CHN2: variants seen among roughly 807,000 people sequenced by gnomAD.
CHN2 encodes the protein chimerin 2.
A neutral mutation model predicts 56.3 loss-of-function variants in CHN2; 35 were observed. The observed-to-expected ratio is 0.62, with a 90% CI of 0.47 to 0.82. The LOEUF is 0.82. CHN2 is among the 40% of genes least tolerant of loss of function. The pLI is 0.00. For synonymous variants in CHN2, 210 were observed against 212.8 expected (o/e 0.99, Z 0.12); for missense variants, 491 against 580.5 (o/e 0.85, Z 1.58).
Position 29,328,006 on chromosome 7 carries a change from T to C in CHN2, c.50-26619T>C, listed in dbSNP as rs552352806. On this transcript the variant is annotated intron_variant, in intron 1 of 12. Transcript: ENST00000222792. ...ATGTTTGATTGTCAGACATGGATTC[T>C]ATAGACGTTTTGAACAGAAAGCTGA... Among the ~76,000 whole-genome samples the C allele has an allele frequency of 3.9e-5, 6 of 152,320 alleles. No homozygotes were observed. The East Asian group carries it at 1.2e-3, about 29-fold the overall frequency.
chr7:29,263,491 C>T lies in CHN2; in HGVS notation c.49+68501C>T, dbSNP rs552648710. Among the ~76,000 whole-genome samples the T allele has an allele frequency of 2.8e-4, 42 of 150,980 alleles. No individual in the cohort carries two copies. In the East Asian group the frequency reaches 6.7e-3, roughly 24 times the overall value. Reference sequence around the variant, plus strand: ...GGAGCGTCTCTGCCTGGCCGCCCATCGTCTGGGATGTGAGGAGCCCCTCTG... The same window carrying T: ...GGAGCGTCTCTGCCTGGCCGCCCATTGTCTGGGATGTGAGGAGCCCCTCTG... On this transcript the variant is annotated intron_variant, in intron 1 of 12. Transcript: ENST00000222792.
intron 6 of CHN2, among the ~76,000 whole-genome samples, chr7:29,402,265 C>A (rs541870616): frequency 1.3e-5 from 2 of 152,316 alleles, no homozygotes; most frequent in Admixed American, 6.5e-5. Context: ...CCTAGGAGAA[C>A]CTTCCACAGA....
At chr7:29,178,144 A>G (rs1159764568) in intron 2 of CHN2, among the ~76,000 whole-genome samples, 1 of 152,148 alleles carries the variant, frequency 6.6e-6, no homozygotes, top group African/African-American at 2.4e-5. Context: ...TGTCCACACC[A>G]TCAGCCTTTC....
chr7:29,429,447 T>A lies in CHN2; in HGVS notation c.576+28619T>A, dbSNP rs561573789. 4.6e-5 allele frequency among the ~76,000 whole-genome samples: 7 copies of A among 152,366 alleles called. No homozygotes were observed. In the East Asian group the frequency reaches 1.3e-3, roughly 29 times the overall value. On this transcript the variant is annotated intron_variant, in intron 6 of 12. Transcript: ENST00000222792. ...AGAGACTCTTTTGTTTGTTTTGTTT[T>A]TGGTTCGCTTTGATATCTGATACCA...
chr7:29,295,807 C>T (rs974912692), intron 1 of CHN2, among the ~76,000 whole-genome samples: 2 of 152,186 alleles, frequency 1.3e-5, no homozygotes, highest in African/African-American at 4.8e-5. Flanking sequence ...TTGACTAATG[C>T]AGATCTGGCC....
At chr7:29,174,376 G>A (rs549539358) in intron 2 of CHN2, among the ~76,000 whole-genome samples, 2 of 152,178 alleles carry the variant, frequency 1.3e-5, no homozygotes, top group Non-Finnish European at 2.9e-5. Context: ...AGGAGAGACA[G>A]TAAAGCTTTT....
chr7:29,400,334 G>T, intron 5 of CHN2: 1 of 591,860 alleles, frequency 1.7e-6, no homozygotes. Context: ...ATCTCTTCAA[G>T]CATCAGTTAC....
At chr7:29,329,531 A>T (rs4722900) in intron 1 of CHN2, among the ~76,000 whole-genome samples, 1 of 152,022 alleles carries the variant, frequency 6.6e-6, no homozygotes, top group African/African-American at 2.4e-5. Context: ...TGTTTGCAGC[A>T]TTTCTGAAAT....
chr7:29,187,868 A>C (rs575950545), intron 2 of CHN2, among the ~76,000 whole-genome samples: 33 of 152,370 alleles, frequency 2.2e-4, no homozygotes, highest in African/African-American at 7.5e-4. Flanking sequence ...TTGGGCATAC[A>C]TTCATTTACA....
chr7:29,399,155 G>A (rs552681488), intron 5 of CHN2, among the ~76,000 whole-genome samples: 34 of 152,290 alleles, frequency 2.2e-4, no homozygotes, highest in Admixed American at 2.6e-4. Context: ...CTCTGATCAT[G>A]GACACACAGT....
intron 7 of CHN2, among the ~76,000 whole-genome samples, chr7:29,483,290 C>T (rs1209108542): frequency 1.3e-5 from 2 of 152,160 alleles, no homozygotes; most frequent in African/African-American, 2.4e-5. Flanking sequence ...TAGAAACCCC[C>T]AACATTCCCT....
Position 29,276,739 on chromosome 7 carries a change from G to A in CHN2, c.50-77886G>A, listed in dbSNP as rs571030823. 1.2e-4 allele frequency among the ~76,000 whole-genome samples: 19 copies of A among 152,236 alleles called. No individual in the cohort carries two copies. The South Asian group carries it at 1.7e-3, about 13-fold the overall frequency. ...CTGGATTTTCCAGTTGTGTTGAGGC[G>A]CTGGCCCTAAAATTGTGGCTTGACC... On this transcript the variant is annotated intron_variant, in intron 1 of 12. Coordinates refer to ENST00000222792, the MANE Select transcript of CHN2 (RefSeq NM_004067.4).
intron 1 of CHN2, among the ~76,000 whole-genome samples, chr7:29,320,235 C>T (rs1359963449): frequency 6.6e-6 from 1 of 152,190 alleles, no homozygotes; most frequent in African/African-American, 2.4e-5. Context: ...AACCACCATG[C>T]CGAGTGACAA....
chr7:29,419,953 G>A (rs978772689), intron 6 of CHN2, among the ~76,000 whole-genome samples: 9 of 151,936 alleles, frequency 5.9e-5, no homozygotes, highest in African/African-American at 1.9e-4. Flanking sequence ...CCAGCTACTC[G>A]GGAGGCCGAG....
In CHN2 at chr7:29,499,850, G is replaced by A; in HGVS notation, c.740-17G>A. On this transcript the variant is annotated splice_polypyrimidine_tract_variant and intron_variant, in intron 8 of 12. Coordinates refer to ENST00000222792, the MANE Select transcript of CHN2 (RefSeq NM_004067.4). Reference sequence around the variant, plus strand: ...CAAAAGGGCTGGGCTAGGCTAATGTGGCTTCTTTGTTTACAGACTGTGGAT... The same window carrying A: ...CAAAAGGGCTGGGCTAGGCTAATGTAGCTTCTTTGTTTACAGACTGTGGAT... 1.9e-6 allele frequency: 3 copies of A among 1,548,360 alleles called. No homozygotes were observed. The highest frequency in any genetic ancestry group is 2.6e-6 in the Non-Finnish European group (3 of 1,147,472).
Position 29,504,740 on chromosome 7 carries a change from A to C in CHN2, c.914-4A>C, listed in dbSNP as rs1192091696. ...AAGTCAGTCTCTCTCTCTCTCTCTA[A>C]CAGGATTAAAATCGGAAGGCCTTTA... is the stretch of plus-strand genomic sequence containing the variant. On this transcript the variant is annotated splice_polypyrimidine_tract_variant and splice_region_variant and intron_variant, in intron 9 of 12. Transcript: ENST00000222792. 3 of 1,597,708 alleles carry C rather than the reference A, an allele frequency of 1.9e-6. No homozygotes were observed. Among genetic ancestry groups the C allele is most frequent in the Admixed American group, 3.4e-5 (2 of 59,578 alleles).
At chr7:29,233,776 TGGAAAA>T (rs56049748) in intron 1 of CHN2, among the ~76,000 whole-genome samples, 55,450 of 144,680 alleles carry the variant, frequency 0.38, 10,813 homozygotes, top group East Asian at 0.53. Context: ...GGCCAAGAAA[TGGAAAA>T]TGGATTCTCT....
In CHN2 at chr7:29,499,969, C is replaced by T. The variant is rs754305243; in HGVS notation, c.842C>T (p.Thr281Ile). Reference protein sequence around the residue: ...IKKVYCCDLTTLVKAHNTQRP... With the variant: ...IKKVYCCDLTILVKAHNTQRP... Reference sequence around the variant, plus strand: ...AAAGTGTACTGTTGTGACCTCACAACACTTGTGAAGGCTCACAACACTCAG... The same window carrying T: ...AAAGTGTACTGTTGTGACCTCACAATACTTGTGAAGGCTCACAACACTCAG... The change falls in exon 9 of 13, where the codon ACA becomes ATA. Residue 281 changes from threonine to isoleucine, a missense_variant. Coordinates refer to ENST00000222792, the MANE Select transcript of CHN2 (RefSeq NM_004067.4). 6.2e-7 allele frequency: 1 copy of T among 1,610,288 alleles called. No individual in the cohort carries two copies. The highest frequency in any genetic ancestry group is 1.1e-5 in the South Asian group (1 of 90,244).
chr7:29,195,625 A>AGT (rs1197819580), intron 1 of CHN2, among the ~76,000 whole-genome samples: 5 of 116,048 alleles, frequency 4.3e-5, no homozygotes, highest in East Asian at 5.5e-4. Context: ...AGAGAGAGAG[A>AGT]GAGAGTGTGT....
Sources: gnomAD v4.1 joint callset for allele counts (sites outside exome capture counted in the v4.1 genomes callset) on GRCh38, gnomAD v4.1.1 for gene constraint, MANE v1.5 for transcripts, NCBI Gene and HGNC (gene_info 2026-07-23, HGNC 2026-07-21) for gene names.